Variants in THRB observed in about 807,000 individuals in gnomAD.
The protein encoded by THRB is nuclear receptor subfamily 1 group A member 2.
THRB carries 12 observed loss-of-function variants against 47.8 expected under a neutral mutation model. The observed-to-expected ratio is 0.25, with a 90% CI of 0.16 to 0.41. THRB has a LOEUF of 0.41. Among genes scored for constraint, THRB ranks in the 10% least tolerant of loss-of-function variants. The pLI, the probability that THRB is intolerant of heterozygous loss-of-function variation, is 1.00. For missense variants in THRB, 348 were observed against 589.2 expected (o/e 0.59, Z 4.24); for synonymous variants, 218 against 212.2 (o/e 1.03, Z -0.24).
intron 3 of THRB, among the ~76,000 whole-genome samples, chr3:24,258,292 G>T (rs1052557850): frequency 2.6e-5 from 4 of 152,104 alleles, no homozygotes; most frequent in Admixed American, 2.0e-4. Context: ...GGAAAAGGCC[G>T]AAGGGTCTGC....
At chr3:24,299,064 A>G (rs962407755) in intron 2 of THRB, among the ~76,000 whole-genome samples, 6 of 151,796 alleles carry the variant, frequency 4.0e-5, no homozygotes, top group East Asian at 1.9e-4. Context: ...TGGCTAACAC[A>G]GTGAAACCCC....
rs542870771 is a variant in THRB, at chr3:24,436,309, A to G, written c.-261+58343T>C. Among the ~76,000 whole-genome samples the G allele has an allele frequency of 2.6e-5, 4 of 152,138 alleles. No homozygotes were observed. In the East Asian group the frequency reaches 5.8e-4, roughly 22 times the overall value. The stretch of plus-strand genomic sequence containing the variant: ...GGAAAGCCCAGCACTGTAAGGGAAC[A>G]TAAGAACTACATACACCACTCTACA... On this transcript the variant is annotated intron_variant, in intron 1 of 10. Coordinates refer to ENST00000646209, the MANE Select transcript of THRB (RefSeq NM_001354712.2).
chr3:24,353,821 A>G (rs2063505989), intron 1 of THRB, among the ~76,000 whole-genome samples: 1 of 152,188 alleles, frequency 6.6e-6, no homozygotes, highest in Admixed American at 6.5e-5. Flanking sequence ...TTAATAAAGC[A>G]CATATGCATA....
At chr3:24,190,001 G>T in intron 5 of THRB, 73 bp downstream of exon 5, 1 of 1,432,172 alleles carries the variant, frequency 7.0e-7, no homozygotes, top group Non-Finnish European at 9.9e-7. Flanking sequence ...TGTAGATGAA[G>T]TACACAGCTA....
At chr3:24,291,114 G>C (rs947123680) in intron 3 of THRB, among the ~76,000 whole-genome samples, 36 of 152,186 alleles carry the variant, frequency 2.4e-4, no homozygotes, top group Non-Finnish European at 1.6e-4. Context: ...CCAAAAGAGA[G>C]ATCCACAAAA....
In THRB at chr3:24,273,129, A is replaced by AACAC. The variant is rs146281602; in HGVS notation, c.-43+24093_-43+24096dup. On this transcript the variant is annotated intron_variant, in intron 3 of 10. Coordinates refer to ENST00000646209, the MANE Select transcript of THRB (RefSeq NM_001354712.2). The stretch of plus-strand genomic sequence containing the variant: ...GAATGTAACAGGTTGCTATGAATTA[A>AACAC]ACACACACACACACACACCCACACA... 4.4e-3 allele frequency among the ~76,000 whole-genome samples: 658 copies of AACAC among 150,796 alleles called. 5 individuals are homozygous for AACAC. The highest frequency in any genetic ancestry group is 0.014 in the African/African-American group (594 of 41,164).
At chr3:24,485,231 G>A (rs1245760949) in intron 1 of THRB, among the ~76,000 whole-genome samples, 1 of 152,208 alleles carries the variant, frequency 6.6e-6, no homozygotes, top group Non-Finnish European at 1.5e-5. Context: ...CTGTGAGATG[G>A]TCTTTAAATT....
At chr3:24,448,637 C>A (rs1413631519) in intron 1 of THRB, among the ~76,000 whole-genome samples, 1 of 152,094 alleles carries the variant, frequency 6.6e-6, no homozygotes, top group Non-Finnish European at 1.5e-5. Flanking sequence ...AAACACAACC[C>A]ATTAAGTACC....
chr3:24,252,272 T>C lies in THRB; in HGVS notation c.-42-23271A>G, dbSNP rs150366940. The stretch of plus-strand genomic sequence containing the variant: ...CCTTAGTAATTAAAACAGTGCAGTA[T>C]TGGTGCATGAAAAGTTAGCAGATCA... On this transcript the variant is annotated intron_variant, in intron 3 of 10. Coordinates refer to ENST00000646209, the MANE Select transcript of THRB (RefSeq NM_001354712.2). 5.9e-3 allele frequency among the ~76,000 whole-genome samples: 901 copies of C among 152,172 alleles called. 9 individuals carry two copies. Among genetic ancestry groups the C allele is most frequent in the African/African-American group, 0.021 (858 of 41,542 alleles).
chr3:24,489,543 G>C (rs1265392082), intron 1 of THRB, among the ~76,000 whole-genome samples: 1 of 152,152 alleles, frequency 6.6e-6, no homozygotes, highest in Non-Finnish European at 1.5e-5. Flanking sequence ...TGGTTCTCAG[G>C]ACAGTCAAGG....
In THRB at chr3:24,143,534, T is replaced by C. The variant is rs199903742; in HGVS notation, c.705A>G (p.Gln235=). 7 of 1,614,216 alleles carry C rather than the reference T, an allele frequency of 4.3e-6. No individual in the cohort carries two copies. The Admixed American group carries it at 1.0e-4, about 23-fold the overall frequency. ...VTEAHVATNA[Q]GSHWKQKRKF... Reference sequence around the variant, plus strand: ...TCCGTTTTTGCTTCCAGTGGCTGCCTTGGGCGTTGGTCGCCACATGGGCTT... The same window carrying C: ...TCCGTTTTTGCTTCCAGTGGCTGCCCTGGGCGTTGGTCGCCACATGGGCTT... Residue 235 remains glutamine, a synonymous_variant, in exon 8 of 11, where the codon CAA becomes CAG. Coordinates refer to ENST00000646209, the MANE Select transcript of THRB (RefSeq NM_001354712.2).
At chr3:24,483,934 G>A (rs1205170099) in intron 1 of THRB, 2 of 152,194 alleles carry the variant, frequency 1.3e-5, no homozygotes, top group Admixed American at 6.5e-5. Context: ...AAGGGAATGT[G>A]AGCAAAGTGA....
At chr3:24,137,671 G>A (rs1189801671) in intron 8 of THRB, among the ~76,000 whole-genome samples, 2 of 152,158 alleles carry the variant, frequency 1.3e-5, no homozygotes, top group South Asian at 2.1e-4. Flanking sequence ...AGGGGGATCC[G>A]TGATGCTAGG....
intron 1 of THRB, among the ~76,000 whole-genome samples, chr3:24,477,828 C>T (rs1043291061): frequency 7.3e-5 from 11 of 150,880 alleles, no homozygotes; most frequent in Non-Finnish European, 1.3e-4. Context: ...AACCTACACC[C>T]GCCCAAAAAA....
chr3:24,287,146 T>C (rs2055392081), intron 3 of THRB, among the ~76,000 whole-genome samples: 1 of 152,172 alleles, frequency 6.6e-6, no homozygotes, highest in Non-Finnish European at 1.5e-5. Context: ...TACATAGATA[T>C]CTTACACACA....
intron 3 of THRB, among the ~76,000 whole-genome samples, chr3:24,250,906 A>G (rs1419907519): frequency 6.6e-6 from 1 of 152,058 alleles, no homozygotes; most frequent in African/African-American, 2.4e-5. Flanking sequence ...TACTGCAAAA[A>G]TAGAATAATT....
At chr3:24,412,731 G>C (rs2068412108) in intron 1 of THRB, among the ~76,000 whole-genome samples, 1 of 151,620 alleles carries the variant, frequency 6.6e-6, no homozygotes, top group African/African-American at 2.4e-5. Context: ...TCAAATTCAA[G>C]AGCAAACCAC....
intron 1 of THRB, among the ~76,000 whole-genome samples, chr3:24,417,147 G>A (rs1362031941): frequency 4.1e-5 from 6 of 147,324 alleles, no homozygotes; most frequent in East Asian, 4.0e-4. Context: ...CACGCGCAAC[G>A]CGTTATGACT....
intron 10 of THRB, among the ~76,000 whole-genome samples, chr3:24,127,117 C>T (rs747540467): frequency 7.9e-5 from 12 of 152,152 alleles, no homozygotes; most frequent in East Asian, 3.9e-4. Flanking sequence ...AGCCTGCATC[C>T]GCGGTTTCCA....
Sources: gnomAD v4.1 joint callset for allele counts (sites outside exome capture counted in the v4.1 genomes callset) on GRCh38, gnomAD v4.1.1 for gene constraint, MANE v1.5 for transcripts, NCBI Gene and HGNC (gene_info 2026-07-23, HGNC 2026-07-21) for gene names.